ARMC3: variants seen among roughly 807,000 people sequenced by gnomAD.
The protein encoded by ARMC3 is armadillo repeat containing 3.
ARMC3 carries 74 observed loss-of-function variants against 90.3 expected under a neutral mutation model. The observed-to-expected ratio is 0.82, with a 90% CI of 0.68 to 0.99. The LOEUF is 0.99. Among genes scored for constraint, ARMC3 ranks in the 50% least tolerant of loss-of-function variants. The probability of loss-of-function intolerance (pLI) is 0.00; values close to 1 mark genes in which losing one functional copy is unlikely to be tolerated. For missense variants in ARMC3, 958 were observed against 1,042.8 expected (o/e 0.92, Z 1.12); for synonymous variants, 334 against 361.8 (o/e 0.92, Z 0.87).
intron 16 of ARMC3, chr10:23,014,009 T>A: frequency 1.4e-6 from 2 of 1,450,984 alleles, no homozygotes; most frequent in Non-Finnish European, 1.9e-6. Context: ...CTTTACAGTA[T>A]GTCCAGGGAG....
At chr10:23,001,822 T>G in intron 11 of ARMC3, 97 bp from the exon 12 acceptor site, 1 of 1,376,648 alleles carries the variant, frequency 7.3e-7, no homozygotes, top group African/African-American at 1.5e-5. Context: ...TTTACATAGT[T>G]AAAACCTTTT....
At chr10:22,948,466 G>A (rs1434119324) in intron 3 of ARMC3, among the ~76,000 whole-genome samples, 1 of 151,812 alleles carries the variant, frequency 6.6e-6, no homozygotes, top group Non-Finnish European at 1.5e-5. Flanking sequence ...AAAAAAAAAT[G>A]ATAGGACTTT....
chr10:22,944,937 G>T (rs1165715255), intron 2 of ARMC3, among the ~76,000 whole-genome samples: 1 of 152,068 alleles, frequency 6.6e-6, no homozygotes, highest in Non-Finnish European at 1.5e-5. Context: ...TCTCTAAAAG[G>T]GTCTACGAGC....
At chr10:22,979,863 T>C (rs1376044434) in intron 8 of ARMC3, among the ~76,000 whole-genome samples, 1 of 152,174 alleles carries the variant, frequency 6.6e-6, no homozygotes, top group Non-Finnish European at 1.5e-5. Context: ...ACATGGTTCA[T>C]GATTGGTTTA....
chr10:23,038,245 G>C lies in ARMC3; in HGVS notation c.*766G>C, dbSNP rs1019998342. Reference sequence around the variant, plus strand: ...GAAAACTTTGAAGCATAAAGGTAGAGCAAATCTTTGCTGAGGAATTGTGTT... The same window carrying C: ...GAAAACTTTGAAGCATAAAGGTAGACCAAATCTTTGCTGAGGAATTGTGTT... On this transcript the variant is annotated 3_prime_UTR_variant, in exon 19 of 19. Coordinates refer to ENST00000298032, the MANE Select transcript of ARMC3 (RefSeq NM_173081.5). 6.6e-6 allele frequency: 1 copy of C among 152,112 alleles called. No individual in the cohort carries two copies. Among genetic ancestry groups the C allele is most frequent in the African/African-American group, 2.4e-5 (1 of 41,442 alleles). The allele number at this position is 152,112 out of a possible 1,614,324, so 9.4% of individuals were successfully genotyped here.
chr10:22,961,836 G>A (rs929376583), intron 6 of ARMC3, 48 bp from the exon 7 acceptor site: 1 of 1,418,516 alleles, frequency 7.0e-7, no homozygotes, highest in Non-Finnish European at 9.6e-7. Context: ...CATTCTTGAG[G>A]ATGTATTTTG....
chr10:23,011,437 T>C (rs1838008943), intron 16 of ARMC3, among the ~76,000 whole-genome samples: 3 of 152,230 alleles, frequency 2.0e-5, no homozygotes, highest in African/African-American at 7.2e-5. Flanking sequence ...GCGCGGTGCC[T>C]GGCACATGGT....
At chr10:22,960,123 T>C in intron 6 of ARMC3, 1 of 271,122 alleles carries the variant, frequency 3.7e-6, no homozygotes, top group South Asian at 3.7e-5. Context: ...TCCTGTCCTT[T>C]GCACCCCAAC....
rs1834444755 is a variant in ARMC3 at position 22,944,395 on chromosome 10, C to A, written c.49-1749C>A. ...TGTGTTATTTTCCCCATTTGCATAT[C>A]CTCCCTTCTCATTGCCATCCATCCC... is the stretch of plus-strand genomic sequence containing the variant. On this transcript the variant is annotated intron_variant, in intron 2 of 18. Transcript: ENST00000298032. Among the ~76,000 whole-genome samples, 4 of 152,122 alleles carry A rather than the reference C, an allele frequency of 2.6e-5. No individual in the cohort carries two copies. In the South Asian group the frequency reaches 8.3e-4, roughly 32 times the overall value.
rs544344098 is a variant in ARMC3, at chr10:22,973,752, T to C, written c.916+5263T>C. ...TCTCTTGTAATTTTTTCTTTGTCTT[T>C]CTTTTTTTTTTTTTTTTTTTTTTTG... On this transcript the variant is annotated intron_variant, in intron 8 of 18. Coordinates refer to ENST00000298032, the MANE Select transcript of ARMC3 (RefSeq NM_173081.5). 1.1e-3 allele frequency among the ~76,000 whole-genome samples: 151 copies of C among 138,592 alleles called. 2 individuals carry two copies. Among genetic ancestry groups the C allele is most frequent in the African/African-American group, 3.5e-3 (121 of 34,980 alleles). 90.9% of individuals were successfully genotyped at this position (138,592 alleles called of 152,430 possible). A position where few individuals can be genotyped will look rare whatever the true frequency, so the allele number is the denominator to read the frequency against.
chr10:23,028,388 T>A (rs934785080), intron 16 of ARMC3, among the ~76,000 whole-genome samples: 1 of 152,206 alleles, frequency 6.6e-6, no homozygotes, highest in African/African-American at 2.4e-5. Flanking sequence ...GTATTTGATC[T>A]TACTTCTTGA....
chr10:22,978,307 G>A (rs1410572385), intron 8 of ARMC3, among the ~76,000 whole-genome samples: 1 of 152,188 alleles, frequency 6.6e-6, no homozygotes, highest in Non-Finnish European at 1.5e-5. Context: ...TTATAATCAT[G>A]GCAGTAAGCA....
chr10:23,025,565 A>G (rs1334943428), intron 16 of ARMC3, among the ~76,000 whole-genome samples: 1 of 152,138 alleles, frequency 6.6e-6, no homozygotes, highest in Non-Finnish European at 1.5e-5. Flanking sequence ...AAAATAAAGC[A>G]TATCAAAATT....
chr10:22,932,173 A>T, intron 2 of ARMC3, 129 bp downstream of exon 2: 11 of 605,610 alleles, frequency 1.8e-5, no homozygotes, highest in South Asian at 5.8e-5. Flanking sequence ...CTGACTAATG[A>T]TAAGATTAGT....
At chr10:22,939,679 C>T (rs1259399090) in intron 2 of ARMC3, among the ~76,000 whole-genome samples, 5 of 152,186 alleles carry the variant, frequency 3.3e-5, no homozygotes, top group Admixed American at 3.3e-4. Context: ...TCTCCTCCCC[C>T]AGCCCCCAAA....
intron 16 of ARMC3, among the ~76,000 whole-genome samples, 163 bp downstream of exon 16, chr10:23,009,094 A>G (rs1387305923): frequency 3.3e-5 from 5 of 152,266 alleles, no homozygotes; most frequent in Non-Finnish European, 2.9e-5. Context: ...CCATCTCTTT[A>G]AAACTTACCC....
At chr10:22,967,899 G>A (rs1010755231) in intron 7 of ARMC3, among the ~76,000 whole-genome samples, 1 of 152,132 alleles carries the variant, frequency 6.6e-6, no homozygotes, top group African/African-American at 2.4e-5. Flanking sequence ...AGGCAAGACG[G>A]CCACACACTC....
chr10:22,992,531 C>T (rs1382578), intron 10 of ARMC3, among the ~76,000 whole-genome samples: 1 of 152,012 alleles, frequency 6.6e-6, no homozygotes, highest in Non-Finnish European at 1.5e-5. Context: ...TAAGCATAAG[C>T]CTACAATTAA....
chr10:22,989,138 C>A (rs1196359256), intron 10 of ARMC3, among the ~76,000 whole-genome samples: 1 of 152,124 alleles, frequency 6.6e-6, no homozygotes, highest in African/African-American at 2.4e-5. Flanking sequence ...TTTAATGAAA[C>A]GTACGTTAAT....
Sources: gnomAD v4.1 joint callset for allele counts (sites outside exome capture counted in the v4.1 genomes callset) on GRCh38, gnomAD v4.1.1 for gene constraint, MANE v1.5 for transcripts, NCBI Gene and HGNC (gene_info 2026-07-23, HGNC 2026-07-21) for gene names.